Variants in KIF6 observed in about 807,000 individuals in gnomAD.
KIF6 encodes kinesin family member 6.
In KIF6, 106 loss-of-function variants were observed where a neutral mutation model predicts 112.7. That is an observed-to-expected ratio of 0.94 (90% CI 0.80 to 1.11). KIF6 has a LOEUF of 1.11. Ranked by LOEUF, KIF6 falls within the 50% of genes least tolerant of loss-of-function variation. The pLI, the probability that KIF6 is intolerant of heterozygous loss-of-function variation, is 0.00. For missense variants in KIF6, 929 were observed against 964.0 expected, an observed-to-expected ratio of 0.96 and a Z score of 0.48; for synonymous variants, 339 against 339.9, an observed-to-expected ratio of 1.00 and a Z score of 0.03.
At position 39,586,837 on chromosome 6, in the gene KIF6, G is replaced by A. The variant is rs546404101; in HGVS notation, c.847-433C>T. ...AGTGGTTGAGGTCCCAGATTCTCAT[G>A]CAAGATTGTCTAGGTGCAAGTCCTG... is the stretch of plus-strand genomic sequence containing the variant. On this transcript the variant is annotated intron_variant, in intron 7 of 22. Coordinates refer to ENST00000287152, the MANE Select transcript of KIF6 (RefSeq NM_145027.6). 5.3e-5 allele frequency among the ~76,000 whole-genome samples: 8 copies of A among 152,288 alleles called. No individual in the cohort carries two copies. In the South Asian group the frequency reaches 1.4e-3, roughly 28 times the overall value.
chr6:39,609,881 T>G (rs1290767045), intron 6 of KIF6, among the ~76,000 whole-genome samples: 2 of 152,178 alleles, frequency 1.3e-5, no homozygotes, highest in African/African-American at 4.8e-5. Context: ...TGGAAGAGAT[T>G]CTGAATCCAT....
chr6:39,606,486 T>C (rs572299543), intron 6 of KIF6, among the ~76,000 whole-genome samples: 1 of 152,324 alleles, frequency 6.6e-6, no homozygotes, highest in East Asian at 1.9e-4. Flanking sequence ...AACATGACTA[T>C]CCCTTTCCTA....
At chr6:39,349,249 G>A (rs1314063429) in intron 19 of KIF6, among the ~76,000 whole-genome samples, 1 of 152,174 alleles carries the variant, frequency 6.6e-6, no homozygotes, top group Non-Finnish European at 1.5e-5. Context: ...GGTGGAAGGA[G>A]CACTATTCTG....
intron 5 of KIF6, chr6:39,617,874 CCAACACAAGTCA>C: frequency 2.8e-6 from 1 of 359,674 alleles, no homozygotes; most frequent in Non-Finnish European, 5.8e-6. Context: ...AAACATAGTC[CCAACACAAGTCA>C]CTTAAATAAA....
intron 3 of KIF6, among the ~76,000 whole-genome samples, chr6:39,679,310 T>C (rs897704832): frequency 6.6e-6 from 1 of 152,208 alleles, no homozygotes; most frequent in Non-Finnish European, 1.5e-5. Context: ...GCTTACATCA[T>C]ATCATTTTTA....
chr6:39,713,059 C>A (rs574746928), intron 3 of KIF6, among the ~76,000 whole-genome samples: 1 of 152,258 alleles, frequency 6.6e-6, no homozygotes, highest in South Asian at 2.1e-4. Context: ...GAAGGCCTTA[C>A]TGAGAAAGCC....
chr6:39,695,314 G>A (rs1311239113), intron 3 of KIF6, among the ~76,000 whole-genome samples: 2 of 151,428 alleles, frequency 1.3e-5, no homozygotes, highest in Non-Finnish European at 3.0e-5. Context: ...AAAAATTGAC[G>A]ATTGAACTAA....
chr6:39,545,419 T>C (rs1779017659), intron 11 of KIF6, among the ~76,000 whole-genome samples, 164 bp downstream of exon 11: 1 of 152,230 alleles, frequency 6.6e-6, no homozygotes, highest in South Asian at 2.1e-4. Context: ...ATACAATCTC[T>C]GAAGAAACTC....
intron 4 of KIF6, among the ~76,000 whole-genome samples, chr6:39,639,365 A>G (rs140785733): frequency 2.6e-5 from 4 of 152,230 alleles, no homozygotes; most frequent in South Asian, 2.1e-4. Context: ...CTTCGTGCGT[A>G]TATCAGAAGG....
At chr6:39,684,698 G>A (rs1371909979) in intron 3 of KIF6, among the ~76,000 whole-genome samples, 8 of 151,772 alleles carry the variant, frequency 5.3e-5, no homozygotes, top group African/African-American at 1.9e-4. Context: ...GCTGAGGCAG[G>A]AGAATCACTT....
intron 3 of KIF6, among the ~76,000 whole-genome samples, chr6:39,655,396 A>G (rs1785721391): frequency 6.6e-6 from 1 of 152,096 alleles, no homozygotes; most frequent in Non-Finnish European, 1.5e-5. Flanking sequence ...ATTTTCTCCC[A>G]GATAGTAGCT....
chr6:39,637,544 A>G (rs1784687214), intron 4 of KIF6, among the ~76,000 whole-genome samples: 1 of 152,006 alleles, frequency 6.6e-6, no homozygotes, highest in African/African-American at 2.4e-5. Context: ...ACTCATAGAC[A>G]TTTCAGGACC....
At chr6:39,400,059 T>C (rs1768573321) in intron 15 of KIF6, among the ~76,000 whole-genome samples, 1 of 152,162 alleles carries the variant, frequency 6.6e-6, no homozygotes, top group East Asian at 1.9e-4. Flanking sequence ...CTGGGTACAG[T>C]CTGGGGACTT....
intron 13 of KIF6, among the ~76,000 whole-genome samples, chr6:39,523,077 CA>C (rs1777489671): frequency 6.6e-6 from 1 of 152,164 alleles, no homozygotes; most frequent in South Asian, 2.1e-4. Context: ...TTTAACCAAT[CA>C]ACCCTCCCTC....
At chr6:39,612,724 C>T (rs1383887476) in intron 6 of KIF6, among the ~76,000 whole-genome samples, 1 of 152,150 alleles carries the variant, frequency 6.6e-6, no homozygotes, top group Non-Finnish European at 1.5e-5. Flanking sequence ...TATTAACCCA[C>T]TAACTAAATG....
intron 13 of KIF6, among the ~76,000 whole-genome samples, chr6:39,533,042 G>A (rs1003580715): frequency 7.2e-5 from 11 of 152,354 alleles, no homozygotes; most frequent in African/African-American, 2.2e-4. Flanking sequence ...CAAGATGGCT[G>A]AATAGGAATA....
intron 5 of KIF6, among the ~76,000 whole-genome samples, chr6:39,617,304 A>C (rs1005173038): frequency 3.3e-5 from 5 of 152,144 alleles, no homozygotes; most frequent in African/African-American, 1.2e-4. Context: ...GACTCTTTTT[A>C]ACTGACTGAA....
At chr6:39,360,315 C>G in intron 18 of KIF6, 80 bp downstream of exon 18, 1 of 1,537,676 alleles carries the variant, frequency 6.5e-7, no homozygotes, top group Non-Finnish European at 8.8e-7. Flanking sequence ...GGTCAAAGCC[C>G]CCACTGTGTC....
intron 10 of KIF6, among the ~76,000 whole-genome samples, chr6:39,565,601 C>T (rs1017081962): frequency 9.2e-5 from 14 of 152,168 alleles, no homozygotes; most frequent in Admixed American, 9.2e-4. Flanking sequence ...TGAGAATATA[C>T]ACCCAAAGGT....
Sources: gnomAD v4.1 joint callset for allele counts (sites outside exome capture counted in the v4.1 genomes callset) on GRCh38, gnomAD v4.1.1 for gene constraint, MANE v1.5 for transcripts, NCBI Gene and HGNC (gene_info 2026-07-23, HGNC 2026-07-21) for gene names.